The following TEX9 variants were observed in gnomAD, a reference collection of about 807,000 sequenced individuals.
TEX9 encodes the protein testis expressed 9, also known as testis-expressed protein 9.
In TEX9, 74 loss-of-function variants were observed where a neutral mutation model predicts 59.6. That is an observed-to-expected ratio of 1.24 (90% confidence interval 1.03 to 1.51). The LOEUF (loss-of-function observed/expected upper bound fraction) is 1.51. Among genes scored for constraint, TEX9 ranks in the 40% most tolerant of loss-of-function variants. The pLI, the probability that TEX9 is intolerant of heterozygous loss-of-function variation, is 0.00. For synonymous variants in TEX9, 186 were observed against 152.2 expected, an observed-to-expected ratio of 1.22 and a Z score of -1.64; for missense variants, 522 against 447.8, an observed-to-expected ratio of 1.17 and a Z score of -1.49.
chr15:56,409,040 A>G (rs1411056751), intron 9 of TEX9: 1 of 152,172 alleles, frequency 6.6e-6, no homozygotes, highest in Non-Finnish European at 1.5e-5. Context: ...TACTAAAACT[A>G]CAAAAAATTA....
intron 1 of TEX9, among the ~76,000 whole-genome samples, chr15:56,269,845 A>T (rs2044482701): frequency 6.6e-6 from 1 of 151,632 alleles, no homozygotes; most frequent in Non-Finnish European, 1.5e-5. Flanking sequence ...TTTAGTAGAG[A>T]TGGGGTTTCA....
At chr15:56,426,562 GTTTTTT>G (rs35594267) in intron 10 of TEX9, among the ~76,000 whole-genome samples, 1 of 53,870 alleles carries the variant, frequency 1.9e-5, no homozygotes, top group Admixed American at 3.7e-4. Context: ...TTAAAGAGGT[GTTTTTT>G]TTTTTTTTTT....
intron 1 of TEX9, among the ~76,000 whole-genome samples, chr15:56,332,736 A>G (rs1336926812): frequency 6.6e-6 from 1 of 152,074 alleles, no homozygotes. Flanking sequence ...AAAAACAAAA[A>G]ATTGGTTTTT....
intron 9 of TEX9, among the ~76,000 whole-genome samples, chr15:56,398,858 GC>G (rs2048617045): frequency 6.6e-6 from 1 of 152,172 alleles, no homozygotes; most frequent in Admixed American, 6.5e-5. Context: ...GACTGGCCAG[GC>G]ATGGTGGTTG....
chr15:56,359,233 C>A (rs1259060426), intron 1 of TEX9, among the ~76,000 whole-genome samples: 2 of 152,004 alleles, frequency 1.3e-5, no homozygotes, highest in African/African-American at 4.8e-5. Flanking sequence ...CCATGTCAAC[C>A]ATATTTTAAT....
the TEX9 span, among the ~76,000 whole-genome samples, chr15:56,454,719 T>C: frequency 6.6e-6 from 1 of 152,196 alleles, no homozygotes; most frequent in Admixed American, 6.5e-5. Flanking sequence ...CTTTCACCTC[T>C]CTACCAGGAC....
the TEX9 span, among the ~76,000 whole-genome samples, chr15:56,457,235 A>T: frequency 2.6e-5 from 4 of 152,206 alleles, no homozygotes; most frequent in Non-Finnish European, 5.9e-5. Flanking sequence ...TCCCCAGGAT[A>T]TATCACTGAA....
chr15:56,320,625 T>C (rs2045880699), intron 1 of TEX9, among the ~76,000 whole-genome samples: 1 of 152,342 alleles, frequency 6.6e-6, no homozygotes, highest in Non-Finnish European at 1.5e-5. Flanking sequence ...TGACCTCATT[T>C]AACTTCAGTT....
rs1380495470 is a variant in TEX9, at chr15:56,388,500, C to T, written c.292C>T (p.His98Tyr). 3.1e-6 allele frequency: 5 copies of T among 1,611,356 alleles called. No individual in the cohort carries two copies. The highest frequency in any genetic ancestry group is 3.4e-6 in the Non-Finnish European group (4 of 1,178,266). The change falls in exon 5 of 13, where the codon CAT becomes TAT. Residue 98 changes from histidine (H) to tyrosine (Y), a missense_variant. Physicochemically the swap from His to Tyr is moderately conservative, Grantham distance 83. Coordinates refer to ENST00000352903, the Ensembl canonical transcript of TEX9. ...TCTGTTACCATCTGAAGGGATAGTT[C>T]ATCTTCATTCAGAAACTAAGGTATG...
intron 9 of TEX9, among the ~76,000 whole-genome samples, chr15:56,410,858 G>A (rs1320129033): frequency 6.6e-6 from 1 of 152,204 alleles, no homozygotes; most frequent in Non-Finnish European, 1.5e-5. Flanking sequence ...TATGTGAACA[G>A]TGAGATAAAT....
chr15:56,282,059 C>A (rs1241544264), intron 1 of TEX9, among the ~76,000 whole-genome samples: 1 of 152,052 alleles, frequency 6.6e-6, no homozygotes, highest in African/African-American at 2.4e-5. Context: ...TTTTAGTAAT[C>A]CTTCTTATTT....
the TEX9 span, chr15:56,456,568 T>C: frequency 1.3e-6 from 2 of 1,584,242 alleles, no homozygotes; most frequent in Non-Finnish European, 1.7e-6. Flanking sequence ...GAATCAGATT[T>C]TTTTCATCAA....
At chr15:56,350,458 T>C (rs2046555800) in intron 1 of TEX9, among the ~76,000 whole-genome samples, 1 of 152,184 alleles carries the variant, frequency 6.6e-6, no homozygotes, top group African/African-American at 2.4e-5. Flanking sequence ...GTTTATGTTG[T>C]GTTGAGTAGG....
At chr15:56,454,881 T>G in the TEX9 span, among the ~76,000 whole-genome samples, 2 of 152,202 alleles carry the variant, frequency 1.3e-5, no homozygotes, top group Non-Finnish European at 2.9e-5. Context: ...AATCTGTGTC[T>G]AATAAAATCT....
intron 1 of TEX9, among the ~76,000 whole-genome samples, chr15:56,300,708 G>GAGAGAGAGAGA (rs2045331855): frequency 3.9e-5 from 4 of 102,714 alleles, no homozygotes; most frequent in South Asian, 3.6e-4. Flanking sequence ...AGAGAGAGAG[G>GAGAGAGAGAGA]GAGAGAGAGA....
chr15:56,257,583 T>A (rs538486196), intron 1 of TEX9, among the ~76,000 whole-genome samples: 1 of 152,320 alleles, frequency 6.6e-6, no homozygotes, highest in Non-Finnish European at 1.5e-5. Flanking sequence ...GCTGCATGTA[T>A]GTCTTCTTTT....
intron 6 of TEX9, among the ~76,000 whole-genome samples, chr15:56,390,933 C>T (rs2048178711): frequency 6.6e-6 from 1 of 151,926 alleles, no homozygotes; most frequent in Non-Finnish European, 1.5e-5. Context: ...AAGTCTATAC[C>T]ATCTGGCCTC....
At chr15:56,373,548 T>A in intron 3 of TEX9, 44 bp downstream of exon 3, 1 of 1,443,290 alleles carries the variant, frequency 6.9e-7, no homozygotes, top group South Asian at 1.4e-5. Flanking sequence ...TAAATGCTAG[T>A]TTTTTATCTT....
At chr15:56,353,348 A>G (rs1367654627) in intron 1 of TEX9, among the ~76,000 whole-genome samples, 1 of 152,216 alleles carries the variant, frequency 6.6e-6, no homozygotes, top group African/African-American at 2.4e-5. Flanking sequence ...TTTGTAAGTA[A>G]AAAATAAAAA....
Sources: allele counts gnomAD v4.1 joint callset (sites outside exome capture counted in the v4.1 genomes callset), GRCh38; gene constraint gnomAD v4.1.1; transcripts MANE v1.5; gene names NCBI Gene and HGNC (gene_info 2026-07-23, HGNC 2026-07-21).